Variants in CNIH3 observed in about 807,000 individuals in gnomAD.
The protein encoded by CNIH3 is cornichon family AMPA receptor auxiliary protein 3.
CNIH3 carries 14 observed loss-of-function variants against 24.1 expected under a neutral mutation model. That is an observed-to-expected ratio of 0.58 (90% CI 0.38 to 0.91). The LOEUF (loss-of-function observed/expected upper bound fraction) is 0.91. Among genes scored for constraint, CNIH3 ranks in the 40% least tolerant of loss-of-function variants. The probability of loss-of-function intolerance (pLI) is 0.00; values close to 1 mark genes in which losing one functional copy is unlikely to be tolerated. For missense variants in CNIH3, 178 were observed against 196.8 expected (o/e 0.90, Z 0.57); for synonymous variants, 68 against 73.8 (o/e 0.92, Z 0.40).
At chr1:224,727,084 T>C (rs1250635872) in intron 3 of CNIH3, among the ~76,000 whole-genome samples, 4 of 152,320 alleles carry the variant, frequency 2.6e-5, no homozygotes, top group African/African-American at 9.6e-5. Context: ...CTGGTGGTTA[T>C]TCAGCCCCTG....
intron 1 of CNIH3, among the ~76,000 whole-genome samples, chr1:224,445,374 G>A (rs968483382): frequency 1.3e-5 from 2 of 151,694 alleles, no homozygotes; most frequent in Non-Finnish European, 2.9e-5. Context: ...TCAGGAGTTC[G>A]AAATCAGCCT....
At chr1:224,572,062 G>A (rs569747323) in intron 4 of CNIH3, among the ~76,000 whole-genome samples, 23 of 152,264 alleles carry the variant, frequency 1.5e-4, no homozygotes, top group African/African-American at 4.8e-4. Flanking sequence ...GGAGGTGGTC[G>A]CCAGGAGGTG....
chr1:224,711,598 C>T (rs1160952028), intron 3 of CNIH3, among the ~76,000 whole-genome samples: 3 of 151,500 alleles, frequency 2.0e-5, no homozygotes, highest in Non-Finnish European at 4.4e-5. Flanking sequence ...AGTTTGAGAC[C>T]AGCCTGGGCA....
At chr1:224,559,227 G>T (rs1680263925) in intron 3 of CNIH3, among the ~76,000 whole-genome samples, 1 of 152,156 alleles carries the variant, frequency 6.6e-6, no homozygotes, top group Non-Finnish European at 1.5e-5. Context: ...AGACAGTTTT[G>T]CTTCAGAGGA....
chr1:224,668,665 A>G (rs1386461667), intron 1 of CNIH3, among the ~76,000 whole-genome samples: 5 of 152,216 alleles, frequency 3.3e-5, no homozygotes, highest in African/African-American at 9.6e-5. Flanking sequence ...ACACTGGACC[A>G]GAAGAAGGAG....
intron 3 of CNIH3, among the ~76,000 whole-genome samples, chr1:224,554,620 G>C (rs1293055695): frequency 6.6e-6 from 1 of 150,526 alleles, no homozygotes; most frequent in African/African-American, 2.4e-5. Flanking sequence ...GTCTTGTTCT[G>C]TCACCCAGAC....
At chr1:224,437,183 C>T (rs923260220) in intron 1 of CNIH3, 3 of 152,188 alleles carry the variant, frequency 2.0e-5, no homozygotes, top group African/African-American at 7.2e-5. Flanking sequence ...TTTTCACCCT[C>T]CTCCTAAAAA....
chr1:224,444,794 G>A (rs1030359755), intron 1 of CNIH3, among the ~76,000 whole-genome samples: 3 of 151,872 alleles, frequency 2.0e-5, no homozygotes, highest in East Asian at 3.9e-4. Context: ...ACAGGCGTGC[G>A]CCACCACGCC....
At chr1:224,491,402 G>A (rs1306298628) in intron 1 of CNIH3, among the ~76,000 whole-genome samples, 1 of 152,072 alleles carries the variant, frequency 6.6e-6, no homozygotes, top group Non-Finnish European at 1.5e-5. Context: ...TAAATTTGTA[G>A]GAATTTTGTA....
At chr1:224,692,536 G>T (rs1467239312) in intron 3 of CNIH3, among the ~76,000 whole-genome samples, 1 of 152,152 alleles carries the variant, frequency 6.6e-6, no homozygotes, top group Non-Finnish European at 1.5e-5. Flanking sequence ...CCTTGACGCA[G>T]AAGTTTTCTA....
At chr1:224,554,151 C>T (rs1012489113) in intron 3 of CNIH3, among the ~76,000 whole-genome samples, 1 of 152,224 alleles carries the variant, frequency 6.6e-6, no homozygotes, top group African/African-American at 2.4e-5. Context: ...TGCTCAGCTC[C>T]TGTCTGGCGC....
chr1:224,721,837 A>T (rs551061463), intron 3 of CNIH3, among the ~76,000 whole-genome samples: 165 of 152,022 alleles, frequency 1.1e-3, no homozygotes, highest in Non-Finnish European at 1.9e-3. Flanking sequence ...TGGAGGGGGG[A>T]TTCTGGAGGT....
rs16850250 is a variant in CNIH3, at chr1:224,616,947, G to C, written c.-228G>C. 1.4e-6 allele frequency: 2 copies of C among 1,382,746 alleles called. No homozygotes were observed. The highest frequency in any genetic ancestry group is 2.9e-5 in the African/African-American group (2 of 68,508). The allele number at this position is 1,382,746 out of a possible 1,614,324, so 85.7% of individuals were successfully genotyped here. ...TTCCCTCCAGCGACTCTCGACACAC[G>C]TTTTCCTGTCTTCGCCGGAGGGCCG... On this transcript the variant is annotated 5_prime_UTR_variant, in exon 1 of 6. Coordinates refer to ENST00000272133, the MANE Select transcript of CNIH3 (RefSeq NM_152495.2).
chr1:224,643,271 A>G (rs1684446800), intron 1 of CNIH3, among the ~76,000 whole-genome samples: 1 of 152,244 alleles, frequency 6.6e-6, no homozygotes, highest in Admixed American at 6.5e-5. Flanking sequence ...GAGAAAACAA[A>G]TGTAGAATGA....
chr1:224,651,025 T>G (rs539245879), intron 1 of CNIH3, among the ~76,000 whole-genome samples: 1 of 151,898 alleles, frequency 6.6e-6, no homozygotes, highest in East Asian at 2.0e-4. Context: ...CAGTAGATGG[T>G]GGGCTGGAGT....
intron 1 of CNIH3, among the ~76,000 whole-genome samples, chr1:224,462,099 T>G (rs1675938691): frequency 6.6e-6 from 1 of 152,070 alleles, no homozygotes; most frequent in South Asian, 2.1e-4. Context: ...ATGTAAACCC[T>G]CCCCCATTAT....
Position 224,578,133 on chromosome 1 carries a change from C to T in CNIH3, n.517-5031C>T, listed in dbSNP as rs186150269. 7.8e-4 allele frequency among the ~76,000 whole-genome samples: 119 copies of T among 152,116 alleles called. 1 individual carries two copies. In the East Asian group the frequency reaches 0.019, roughly 24 times the overall value. On this transcript the variant is annotated intron_variant and non_coding_transcript_variant, in intron 4 of 5. Coordinates refer to the CNIH3 transcript ENST00000471578. Reference sequence around the variant, plus strand: ...CACTACTAAAGAACTTTTCCATGCACCCAGACACCACCTCTTCCCCCAAAA... The same window carrying T: ...CACTACTAAAGAACTTTTCCATGCATCCAGACACCACCTCTTCCCCCAAAA...
At chr1:224,515,519 T>C (rs1181116721), upstream of CNIH3, among the ~76,000 whole-genome samples, 1 of 152,252 alleles carries the variant, frequency 6.6e-6, no homozygotes, top group East Asian at 1.9e-4. Flanking sequence ...TGAAAACTTT[T>C]TGGCTGGCCT....
At chr1:224,568,062 C>T (rs951215366) in intron 4 of CNIH3, among the ~76,000 whole-genome samples, 11 of 152,188 alleles carry the variant, frequency 7.2e-5, no homozygotes, top group Admixed American at 4.6e-4. Flanking sequence ...GAGGACAAGG[C>T]GGGCGGATCA....
Sources: allele counts gnomAD v4.1 joint callset (sites outside exome capture counted in the v4.1 genomes callset), GRCh38; gene constraint gnomAD v4.1.1; transcripts MANE v1.5; gene names NCBI Gene and HGNC (gene_info 2026-07-23, HGNC 2026-07-21).